CSMD3: variants seen among roughly 807,000 people sequenced by gnomAD.
The protein encoded by CSMD3 is CUB and sushi domain-containing protein 3.
In CSMD3, 177 loss-of-function variants were observed where a neutral mutation model predicts 435.2. The observed-to-expected ratio is 0.41, with a 90% CI of 0.36 to 0.46. The LOEUF (loss-of-function observed/expected upper bound fraction) is 0.46. Among genes scored for constraint, CSMD3 ranks in the 20% least tolerant of loss-of-function variants. CSMD3 has a pLI of 0.34. For missense variants in CSMD3, 4,265 were observed against 4,504.6 expected (o/e 0.95, Z 1.52); for synonymous variants, 1,656 against 1,520.5 (o/e 1.09, Z -2.07).
intron 11 of CSMD3, among the ~76,000 whole-genome samples, chr8:112,854,422 T>A (rs2080587664): frequency 6.6e-6 from 1 of 152,144 alleles, no homozygotes; most frequent in South Asian, 2.1e-4. Context: ...ACTTGATGGC[T>A]AACATATCCA....
Position 112,351,159 on chromosome 8 carries a change from T to A in CSMD3, c.6325+16A>T. ...TTTAAGTTCTAGGGTAAATACTTTATAGTCTTTTAACTTACCTAAACAAAT... is the reference window on the plus strand; with the variant it reads ...TTTAAGTTCTAGGGTAAATACTTTAAAGTCTTTTAACTTACCTAAACAAAT... On this transcript the variant is annotated intron_variant, in intron 40 of 70. Coordinates refer to ENST00000297405, the MANE Select transcript of CSMD3 (RefSeq NM_198123.2). The A allele has an allele frequency of 6.9e-7, 1 of 1,453,794 alleles. No individual in the cohort carries two copies. The highest frequency in any genetic ancestry group is 1.1e-5 in the South Asian group (1 of 87,726). 90.1% of individuals were successfully genotyped at this position (1,453,794 alleles called of 1,614,324 possible).
chr8:112,760,735 C>T (rs1044880370), intron 13 of CSMD3, among the ~76,000 whole-genome samples: 1 of 152,062 alleles, frequency 6.6e-6, no homozygotes, highest in African/African-American at 2.4e-5. Context: ...TAGACTTATT[C>T]CCACCATAAT....
At chr8:113,323,122 C>T (rs1276679679) in intron 1 of CSMD3, among the ~76,000 whole-genome samples, 1 of 152,122 alleles carries the variant, frequency 6.6e-6, no homozygotes, top group Non-Finnish European at 1.5e-5. Context: ...TATTACTTTA[C>T]CCTCATTCGC....
chr8:113,087,320 C>T (rs567900091), intron 5 of CSMD3, among the ~76,000 whole-genome samples: 37 of 149,344 alleles, frequency 2.5e-4, no homozygotes, highest in Non-Finnish European at 4.3e-4. Flanking sequence ...CCCCATCAAG[C>T]TACCAATGAC....
intron 13 of CSMD3, among the ~76,000 whole-genome samples, chr8:112,777,170 G>A (rs1377956702): frequency 6.6e-6 from 1 of 151,772 alleles, no homozygotes; most frequent in South Asian, 2.1e-4. Flanking sequence ...ACGTGTTATT[G>A]ATAAAATTCA....
intron 1 of CSMD3, among the ~76,000 whole-genome samples, chr8:113,396,429 T>C (rs1009568690): frequency 2.6e-5 from 4 of 152,214 alleles, no homozygotes; most frequent in Non-Finnish European, 4.4e-5. Flanking sequence ...TGTTTCTCCA[T>C]GTTCCAAGGT....
intron 45 of CSMD3, among the ~76,000 whole-genome samples, chr8:112,324,178 A>G (rs978631600): frequency 6.6e-6 from 1 of 151,968 alleles, no homozygotes; most frequent in African/African-American, 2.4e-5. Flanking sequence ...TCTGCTATAT[A>G]CAGCTGAACT....
intron 59 of CSMD3, 30 bp from the exon 60 acceptor site, chr8:112,265,620 G>A (rs777929018): frequency 1.0e-4 from 156 of 1,516,258 alleles, no homozygotes; most frequent in Non-Finnish European, 1.3e-4. Flanking sequence ...AGAGCAGATG[G>A]TTAATGAGGC....
intron 32 of CSMD3, among the ~76,000 whole-genome samples, chr8:112,421,248 T>C (rs1812462505): frequency 6.6e-6 from 1 of 151,990 alleles, no homozygotes; most frequent in Admixed American, 6.6e-5. Flanking sequence ...TTGGCACTTA[T>C]TTTGCCAGAC....
rs80333546 is a variant in CSMD3 at position 113,031,588 on chromosome 8, C to G, written c.918-12409G>C. Among the ~76,000 whole-genome samples, 1,223 of 151,666 alleles carry G rather than the reference C, an allele frequency of 8.1e-3. 17 individuals are homozygous for G. Among genetic ancestry groups the G allele is most frequent in the African/African-American group, 0.028 (1,174 of 41,474 alleles). ...TTCTTGTGATGGAATTTCCCTGTAT[C>G]TTGACTATAGCATTGTGATAAAGTG... On this transcript the variant is annotated intron_variant, in intron 5 of 70. Coordinates refer to ENST00000297405, the MANE Select transcript of CSMD3 (RefSeq NM_198123.2).
chr8:113,218,825 A>T lies in CSMD3; in HGVS notation c.515-44909T>A, dbSNP rs138619325. ...TTTCAATTTTTTTTCAGATTTGGAA[A>T]CATTTGCATATAAATAATGAGATAT... On this transcript the variant is annotated intron_variant, in intron 3 of 70. Transcript: ENST00000297405. 4.0e-5 allele frequency among the ~76,000 whole-genome samples: 6 copies of T among 151,416 alleles called. No individual in the cohort carries two copies. The East Asian group carries it at 1.2e-3, about 29-fold the overall frequency.
intron 13 of CSMD3, among the ~76,000 whole-genome samples, chr8:112,692,921 CT>C (rs1770125080): frequency 2.0e-5 from 1 of 49,210 alleles, no homozygotes; most frequent in Non-Finnish European, 3.9e-5. Flanking sequence ...TTATATCTAT[CT>C]ATCTATCTAT....
chr8:112,628,837 G>T (rs2074429595), intron 22 of CSMD3, among the ~76,000 whole-genome samples: 1 of 152,166 alleles, frequency 6.6e-6, no homozygotes, highest in Non-Finnish European at 1.5e-5. Flanking sequence ...ATGATTAAAT[G>T]AGGTGACTTT....
intron 4 of CSMD3, among the ~76,000 whole-genome samples, chr8:113,157,098 C>A (rs1363725761): frequency 6.6e-6 from 1 of 151,980 alleles, no homozygotes; most frequent in African/African-American, 2.4e-5. Context: ...TGCAACCCTG[C>A]TGAACTGTTG....
intron 32 of CSMD3, among the ~76,000 whole-genome samples, chr8:112,413,453 C>T (rs567240303): frequency 4.2e-4 from 64 of 152,300 alleles, no homozygotes; most frequent in African/African-American, 1.2e-3. Flanking sequence ...ATACCTGAGA[C>T]TTCATCCAAT....
At chr8:113,173,153 AAT>A (rs2092295079) in intron 4 of CSMD3, among the ~76,000 whole-genome samples, 1 of 152,178 alleles carries the variant, frequency 6.6e-6, no homozygotes, top group Non-Finnish European at 1.5e-5. Context: ...TTTAAATATA[AAT>A]ATGAAAGCAT....
intron 13 of CSMD3, among the ~76,000 whole-genome samples, chr8:112,739,143 A>G (rs989408197): frequency 2.1e-4 from 32 of 151,926 alleles, no homozygotes; most frequent in African/African-American, 7.7e-4. Context: ...CATAATTAAG[A>G]AAGTATTTTG....
intron 8 of CSMD3, among the ~76,000 whole-genome samples, chr8:112,950,471 G>GA (rs1371779535): frequency 1.3e-5 from 2 of 151,694 alleles, no homozygotes; most frequent in Non-Finnish European, 2.9e-5. Flanking sequence ...ATAGAAATAA[G>GA]AAAAATCCCA....
intron 22 of CSMD3, among the ~76,000 whole-genome samples, chr8:112,602,177 A>T (rs1832408441): frequency 6.6e-6 from 1 of 152,252 alleles, no homozygotes. Context: ...CAATGATCCA[A>T]TGTTATAGCA....
Sources: allele counts gnomAD v4.1 joint callset (sites outside exome capture counted in the v4.1 genomes callset), GRCh38; gene constraint gnomAD v4.1.1; transcripts MANE v1.5; gene names NCBI Gene and HGNC (gene_info 2026-07-23, HGNC 2026-07-21).